PRMT8: variants seen among roughly 807,000 people sequenced by gnomAD.
PRMT8 encodes protein arginine methyltransferase 8.
Under a neutral mutation model 47.1 loss-of-function variants are expected in PRMT8, and 7 were observed. That is an observed-to-expected ratio of 0.15 (90% CI 0.08 to 0.28). The LOEUF is 0.28. Among genes scored for constraint, PRMT8 ranks in the 10% least tolerant of loss-of-function variants. The pLI, the probability that PRMT8 is intolerant of heterozygous loss-of-function variation, is 1.00. For synonymous variants in PRMT8, 188 were observed against 186.5 expected (o/e 1.01, Z -0.07); for missense variants, 237 against 505.4 (o/e 0.47, Z 5.09).
At chr12:3,511,040 T>C (rs565327957) in intron 1 of PRMT8, among the ~76,000 whole-genome samples, 5 of 152,326 alleles carry the variant, frequency 3.3e-5, no homozygotes, top group Admixed American at 3.3e-4. Flanking sequence ...TCTCAGTCTG[T>C]AGGCTTACCC....
rs997732448 is a variant in PRMT8 at position 3,591,524 on chromosome 12, C to T, written c.980-707C>T. 9.9e-5 allele frequency among the ~76,000 whole-genome samples: 15 copies of T among 151,462 alleles called. No homozygotes were observed. The East Asian group carries it at 2.9e-3, about 29-fold the overall frequency. On this transcript the variant is annotated intron_variant, in intron 8 of 9. Coordinates refer to ENST00000382622, the MANE Select transcript of PRMT8 (RefSeq NM_019854.5). The stretch of plus-strand genomic sequence containing the variant: ...CTTGAACTCCCAGGCTCAATGCATC[C>T]TCCTGCTTCAGCCTCCTGAGTAGCT...
At chr12:3,553,078 C>T (rs4766139) in intron 3 of PRMT8, 36,171 of 195,004 alleles carry the variant, frequency 0.19, 3,986 homozygotes, top group African/African-American at 0.32. Flanking sequence ...CCTGGAAAGA[C>T]GTCTGAATTA....
rs548808944 is a variant in PRMT8, at chr12:3,535,293, T to C, written c.76-5313T>C. Among the ~76,000 whole-genome samples the C allele has an allele frequency of 5.3e-5, 8 of 152,328 alleles. No homozygotes were observed. The East Asian group carries it at 1.3e-3, about 26-fold the overall frequency. ...GTTCACCCCAGTAGAGTGGGTAGACTAAGACAATCGCACTTTATTTATTAG... is the reference window on the plus strand; with the variant it reads ...GTTCACCCCAGTAGAGTGGGTAGACCAAGACAATCGCACTTTATTTATTAG... On this transcript the variant is annotated intron_variant, in intron 1 of 9. Transcript: ENST00000382622. The surrounding 1 kb of genome is among the most constrained non-coding windows in gnomAD (Gnocchi z 4.7).
At chr12:3,489,687 C>T (rs1160953915), upstream of PRMT8, among the ~76,000 whole-genome samples, 3 of 152,042 alleles carry the variant, frequency 2.0e-5, no homozygotes, top group Non-Finnish European at 2.9e-5. Flanking sequence ...GTTGACAGAA[C>T]GGGAGGAACG....
intron 1 of PRMT8, among the ~76,000 whole-genome samples, chr12:3,401,357 C>T (rs1410657781): frequency 6.6e-6 from 1 of 151,966 alleles, no homozygotes; most frequent in Non-Finnish European, 1.5e-5. Flanking sequence ...GACCAACCCA[C>T]AGCCAATGTC....
chr12:3,545,695 A>G (rs1368185991), intron 2 of PRMT8, among the ~76,000 whole-genome samples: 6 of 152,186 alleles, frequency 3.9e-5, no homozygotes, highest in Non-Finnish European at 7.3e-5. Flanking sequence ...GGTACCCAGA[A>G]CTCCAGAAAA....
At chr12:3,506,461 G>A (rs534317735) in intron 1 of PRMT8, among the ~76,000 whole-genome samples, 18 of 152,152 alleles carry the variant, frequency 1.2e-4, no homozygotes, top group Non-Finnish European at 1.8e-4. Flanking sequence ...GGTTAGCCAG[G>A]TGGAGTCAAG....
intron 1 of PRMT8, among the ~76,000 whole-genome samples, chr12:3,485,425 G>A (rs1865313841): frequency 6.6e-6 from 1 of 152,134 alleles, no homozygotes; most frequent in African/African-American, 2.4e-5. Flanking sequence ...TGAGGAACTG[G>A]CAATGGATAT....
chr12:3,390,512 T>G (rs1864183344), intron 1 of PRMT8, among the ~76,000 whole-genome samples: 1 of 152,246 alleles, frequency 6.6e-6, no homozygotes, highest in Middle Eastern at 3.2e-3. Flanking sequence ...TGTGCCAGTC[T>G]GTTTATGGAT....
intron 1 of PRMT8, among the ~76,000 whole-genome samples, chr12:3,505,085 G>A (rs1048328899): frequency 2.7e-4 from 39 of 143,030 alleles, no homozygotes; most frequent in African/African-American, 7.3e-4. Context: ...ACACACACTG[G>A]CCTGCGCCCA....
At position 3,464,997 on chromosome 12, in the gene PRMT8, G is replaced by A. The variant is rs1383372659; in HGVS notation, c.49-75609G>A. Among the ~76,000 whole-genome samples, 4 of 151,556 alleles carry A rather than the reference G, an allele frequency of 2.6e-5. No individual in the cohort carries two copies. The East Asian group carries it at 7.8e-4, about 29-fold the overall frequency. On this transcript the variant is annotated intron_variant, in intron 1 of 9. Coordinates refer to the PRMT8 transcript ENST00000452611. Reference sequence around the variant, plus strand: ...AAATTAGCCGGGCGTGGTGGTGCATGCCAGCTACTTGGGAGGCTGAGGCAG... The same window carrying A: ...AAATTAGCCGGGCGTGGTGGTGCATACCAGCTACTTGGGAGGCTGAGGCAG...
Position 3,550,043 on chromosome 12 carries a change from G to T in PRMT8, c.369G>T (p.Gly123=), listed in dbSNP as rs1244983940. Residue 123 remains glycine (G), a synonymous_variant, in exon 3 of 10, where the codon GGG becomes GGT. Coordinates refer to ENST00000382622, the MANE Select transcript of PRMT8 (RefSeq NM_019854.5). This position sits in a 1 kb window ranked among gnomAD's most constrained non-coding sequence, Gnocchi z 5.1. The part of the protein sequence containing the change: ...KVVLDVGSGT[G]ILSMFAAKAG... ...TACTGGATGTGGGGAGTGGTACTGG[G>T]ATCCTTTCCATGTTCGCTGCCAAGG... The T allele has an allele frequency of 1.2e-6, 2 of 1,614,214 alleles. No homozygotes were observed. The highest frequency in any genetic ancestry group is 2.2e-5 in the South Asian group (2 of 91,086).
At chr12:3,464,887 G>A (rs1381840078) in intron 1 of PRMT8, among the ~76,000 whole-genome samples, 1 of 152,132 alleles carries the variant, frequency 6.6e-6, no homozygotes, top group Admixed American at 6.5e-5. Context: ...CACTTTAGGA[G>A]GCCGAGGTGG....
intron 1 of PRMT8, among the ~76,000 whole-genome samples, chr12:3,425,219 G>A (rs1864590657): frequency 6.6e-6 from 1 of 152,238 alleles, no homozygotes; most frequent in African/African-American, 2.4e-5. Flanking sequence ...TCTAGTACTT[G>A]TTAGCCATTG....
Position 3,583,972 on chromosome 12 carries a change from C to G in PRMT8, c.979+764C>G, listed in dbSNP as rs1867120363. 6.6e-6 allele frequency among the ~76,000 whole-genome samples: 1 copy of G among 152,216 alleles called. No individual in the cohort carries two copies. The highest frequency in any genetic ancestry group is 2.4e-5 in the African/African-American group (1 of 41,448). On this transcript the variant is annotated intron_variant, in intron 8 of 9. Transcript: ENST00000382622. The surrounding 1 kb of genome is among the most constrained non-coding windows in gnomAD (Gnocchi z 4.7). ...TGGCTTCTACACACACCAGCCCTTGCCTATCCAGGTGTGCCCTGGAGGTGG... is the reference window on the plus strand; with the variant it reads ...TGGCTTCTACACACACCAGCCCTTGGCTATCCAGGTGTGCCCTGGAGGTGG...
At chr12:3,553,799 G>C (rs71539446) in intron 4 of PRMT8, 85 bp downstream of exon 4, 47,223 of 1,296,958 alleles carry the variant, frequency 0.036, 1,149 homozygotes, top group Middle Eastern at 0.074. Context: ...AGCGGGAGGA[G>C]CGCAGAGCAC....
chr12:3,571,920 T>C (rs2137211412), intron 6 of PRMT8, among the ~76,000 whole-genome samples: 1 of 152,360 alleles, frequency 6.6e-6, no homozygotes, highest in East Asian at 1.9e-4. Context: ...CAATTTTCTA[T>C]TGGCTCAAGA....
At chr12:3,534,145 T>C (rs769369876) in intron 1 of PRMT8, among the ~76,000 whole-genome samples, 1 of 152,246 alleles carries the variant, frequency 6.6e-6, no homozygotes, top group Non-Finnish European at 1.5e-5. Context: ...GCGATCCTCT[T>C]TCTTCCCTCC....
At chr12:3,406,103 C>G (rs1369124722) in intron 1 of PRMT8, among the ~76,000 whole-genome samples, 1 of 152,248 alleles carries the variant, frequency 6.6e-6, no homozygotes, top group African/African-American at 2.4e-5. Flanking sequence ...TCCACGTACC[C>G]ACAGGAGCAA....
Sources: gnomAD v4.1 joint callset for allele counts (sites outside exome capture counted in the v4.1 genomes callset) on GRCh38, gnomAD v4.1.1 for gene constraint, Gnocchi (gnomAD v3.1) non-coding constraint, MANE v1.5 for transcripts, NCBI Gene and HGNC (gene_info 2026-07-23, HGNC 2026-07-21) for gene names.